Variants in CACNA1A observed in about 807,000 individuals in gnomAD.
CACNA1A encodes voltage-dependent P/Q-type calcium channel subunit alpha-1A.
In CACNA1A, 57 loss-of-function variants were observed where a neutral mutation model predicts 262.4. The observed-to-expected ratio is 0.22, with a 90% CI of 0.18 to 0.27. The LOEUF is 0.27. Ranked by LOEUF, CACNA1A falls within the 10% of genes least tolerant of loss-of-function variation. The pLI is 1.00. For missense variants in CACNA1A, 2,526 were observed against 3,562.8 expected (o/e 0.71, Z 7.41); for synonymous variants, 1,431 against 1,419.3 (o/e 1.01, Z -0.18).
At chr19:13,347,078 T>TTTG in intron 6 of CACNA1A, among the ~76,000 whole-genome samples, 1 of 150,514 alleles carries the variant, frequency 6.6e-6, no homozygotes, top group African/African-American at 2.4e-5. Flanking sequence ...TTTTTTTTTT[T>TTTG]TGAGACAGTT....
chr19:13,282,422 G>A (rs1250847764), intron 22 of CACNA1A, among the ~76,000 whole-genome samples: 3 of 152,140 alleles, frequency 2.0e-5, no homozygotes, highest in Admixed American at 2.0e-4. Flanking sequence ...CCATGACTGA[G>A]GCACGCCCTT....
chr19:13,210,072 T>C (rs1429585654), intron 44 of CACNA1A, among the ~76,000 whole-genome samples: 1 of 151,458 alleles, frequency 6.6e-6, no homozygotes, highest in African/African-American at 2.4e-5. Flanking sequence ...GCTAGGGAGC[T>C]CTGGGTGGGG....
intron 3 of CACNA1A, among the ~76,000 whole-genome samples, chr19:13,440,846 G>A (rs551956862): frequency 7.2e-5 from 11 of 152,248 alleles, no homozygotes; most frequent in African/African-American, 1.4e-4. Flanking sequence ...ACAAGGTCTC[G>A]CTCTGTTGGA....
chr19:13,488,515 C>G (rs1207985863), intron 1 of CACNA1A, among the ~76,000 whole-genome samples: 1 of 149,162 alleles, frequency 6.7e-6, no homozygotes, highest in African/African-American at 2.5e-5. Context: ...TCTCCTGCCT[C>G]AGCCTCCCAA....
chr19:13,440,019 G>C (rs557559994), intron 3 of CACNA1A, among the ~76,000 whole-genome samples: 1 of 152,218 alleles, frequency 6.6e-6, no homozygotes, highest in Admixed American at 6.5e-5. Flanking sequence ...GAGTGTAGTG[G>C]CACTATCACG....
intron 24 of CACNA1A, among the ~76,000 whole-genome samples, chr19:13,270,069 C>T (rs11085840): frequency 0.87 from 132,832 of 151,996 alleles, 58,247 homozygotes; most frequent in African/African-American, 0.95. Flanking sequence ...GGCTGCTGAG[C>T]ATCATTCTGC....
intron 5 of CACNA1A, among the ~76,000 whole-genome samples, chr19:13,360,960 A>C (rs773416083): frequency 7.2e-5 from 11 of 152,164 alleles, no homozygotes; most frequent in Non-Finnish European, 1.0e-4. Flanking sequence ...CTCTGTTGAG[A>C]CAAACTTTAT....
rs750233224 is a variant in CACNA1A at position 13,298,792 on chromosome 19, C to T, written c.2841G>A (p.Pro947=). The T allele has an allele frequency of 6.5e-7, 1 of 1,544,402 alleles. No individual in the cohort carries two copies. The highest frequency in any genetic ancestry group is 8.6e-7 in the Non-Finnish European group (1 of 1,156,282). ...GATGCTCCCCGTCCGCGCCCGTGCG[C>T]GGGGACCCGCTGCGGCTCTCCCTGC... ...GGSRESRSGS[P]RTGADGEHRR... is the part of the protein sequence containing the mutation. The change falls in exon 19 of 47, where the codon CCG becomes CCA. Residue 947 remains proline (P), a synonymous_variant. Transcript: ENST00000360228.
intron 6 of CACNA1A, among the ~76,000 whole-genome samples, chr19:13,348,040 C>T (rs1043145386): frequency 6.6e-6 from 1 of 152,078 alleles, no homozygotes; most frequent in Non-Finnish European, 1.5e-5. Context: ...CCTTCCTCAG[C>T]CTCCCGAGTA....
intron 3 of CACNA1A, among the ~76,000 whole-genome samples, chr19:13,392,374 G>A (rs1447265916): frequency 6.6e-6 from 1 of 152,198 alleles, no homozygotes; most frequent in Non-Finnish European, 1.5e-5. Flanking sequence ...TCCTTGAGAG[G>A]CTGGAATGAG....
At position 13,206,944 on chromosome 19, in the gene CACNA1A, G is replaced by GTTTTTT. The variant is rs532268839; in HGVS notation, c.*363_*368dup. On this transcript the variant is annotated 3_prime_UTR_variant, in exon 47 of 47. Coordinates refer to ENST00000360228, the MANE Select transcript of CACNA1A (RefSeq NM_001127222.2). ...TCTCCCCGTTTTTTCTTTTAAAAAT[G>GTTTTTT]TTTTTTTTTTTTTTTTTTTTTTTTT... 17 of 65,134 alleles carry GTTTTTT rather than the reference G, an allele frequency of 2.6e-4. No homozygotes were observed. The highest frequency in any genetic ancestry group is 0.016 in the Middle Eastern group (1 of 64). The allele number at this position is 65,134 out of a possible 1,614,324, so 4.0% of individuals were successfully genotyped here.
chr19:13,367,745 G>GA (rs2059242677), intron 4 of CACNA1A, among the ~76,000 whole-genome samples: 1 of 151,840 alleles, frequency 6.6e-6, no homozygotes, highest in Non-Finnish European at 1.5e-5. Context: ...AAGAAGGCAG[G>GA]GAACAGTCCC....
intron 12 of CACNA1A, among the ~76,000 whole-genome samples, chr19:13,312,089 G>A (rs528915082): frequency 2.6e-5 from 4 of 152,258 alleles, no homozygotes; most frequent in South Asian, 4.2e-4. Context: ...TGTAGTTTTT[G>A]CCCTGGTTCG....
chr19:13,436,883 T>C (rs918169402), intron 3 of CACNA1A, among the ~76,000 whole-genome samples: 14 of 152,238 alleles, frequency 9.2e-5, no homozygotes, highest in Admixed American at 2.0e-4. Context: ...AGAGTGCCCC[T>C]TTGGCACCTT....
Position 13,216,671 on chromosome 19 carries a change from CTATCTATCTATCTATCT to C in CACNA1A, c.5732-2080_5732-2064del, listed in dbSNP as rs1568428329. Among the ~76,000 whole-genome samples the C allele has an allele frequency of 2.8e-3, 16 of 5,766 alleles. 1 individual carries two copies. The highest frequency in any genetic ancestry group is 0.017 in the Admixed American group (5 of 300). The allele number at this position is 5,766 out of a possible 152,430, so 3.8% of individuals were successfully genotyped here. ...TTTATCTATCTATCTATCTATCTATCTATCTATCTATCTATCTATCTATCTATCATCTATCTATCGAT... is the reference window on the plus strand; with the variant it reads ...TTTATCTATCTATCTATCTATCTATCATCTATCTATCATCTATCTATCGAT... On this transcript the variant is annotated intron_variant, in intron 38 of 46. Transcript: ENST00000360228.
At chr19:13,479,512 G>C (rs1332505794) in intron 1 of CACNA1A, among the ~76,000 whole-genome samples, 1 of 152,142 alleles carries the variant, frequency 6.6e-6, no homozygotes, top group East Asian at 1.9e-4. Context: ...GATGCTCGTG[G>C]GCTTTTCCAA....
rs1473069840 is a variant in CACNA1A at position 13,298,740 on chromosome 19, C to G, written c.2893G>C (p.Gly965Arg). The G allele has an allele frequency of 2.0e-6, 3 of 1,503,228 alleles. No homozygotes were observed. Among genetic ancestry groups the G allele is most frequent in the African/African-American group, 1.5e-5 (1 of 68,698 alleles). The allele number at this position is 1,503,228 out of a possible 1,614,324, so 93.1% of individuals were successfully genotyped here. ...HRRHRAHRRPGEEGPEDKAER... is the reference protein window; with the variant it reads ...HRRHRAHRRPREEGPEDKAER... Reference sequence around the variant, plus strand: ...GCCTTGTCCTCCGGACCCTCCTCCCCGGGCCTGCGGTGCGCGCGATGACGT... The same window carrying G: ...GCCTTGTCCTCCGGACCCTCCTCCCGGGGCCTGCGGTGCGCGCGATGACGT... The change falls in exon 19 of 47, where the codon GGG becomes CGG. Residue 965 changes from glycine (G) to arginine (R), a missense_variant. Gly to Arg is a moderately radical substitution (Grantham distance 125, BLOSUM62 -2). This residue lies in a region of CACNA1A where 765 missense variants were observed against 748.6 expected (regional missense o/e 1.02). Transcript: ENST00000360228.
chr19:13,208,729 C>T lies in CACNA1A; in HGVS notation c.6780+27G>A, dbSNP rs16053. ...CTCCCCGCCTCCCGGCCGAGCCCAGCCTGGGGTCACTTGCAGCCGCACCCA... is the reference window on the plus strand; with the variant it reads ...CTCCCCGCCTCCCGGCCGAGCCCAGTCTGGGGTCACTTGCAGCCGCACCCA... On this transcript the variant is annotated intron_variant, in intron 46 of 46. Transcript: ENST00000360228. 2.3e-4 allele frequency: 352 copies of T among 1,556,596 alleles called. No individual in the cohort carries two copies. The African/African-American group carries it at 4.0e-3, about 18-fold the overall frequency.
chr19:13,378,891 A>G (rs1020437498), intron 3 of CACNA1A, among the ~76,000 whole-genome samples: 5 of 146,970 alleles, frequency 3.4e-5, no homozygotes, highest in Non-Finnish European at 6.0e-5. Flanking sequence ...CTGGTTTTGA[A>G]CTCCTGACCT....
Sources: allele counts gnomAD v4.1 joint callset (sites outside exome capture counted in the v4.1 genomes callset), GRCh38; gene constraint gnomAD v4.1.1; regional missense constraint gnomAD v4.1.1; transcripts MANE v1.5; gene names NCBI Gene and HGNC (gene_info 2026-07-23, HGNC 2026-07-21).